MACROD2: variants seen among roughly 807,000 people sequenced by gnomAD.
The protein encoded by MACROD2 is mono-ADP ribosylhydrolase 2.
A neutral mutation model predicts 70.4 loss-of-function variants in MACROD2; 36 were observed. The ratio of observed to expected loss-of-function variants is 0.51; its 90% CI spans 0.39 to 0.68. MACROD2 has a LOEUF of 0.68. Among genes scored for constraint, MACROD2 ranks in the 30% least tolerant of loss-of-function variants. MACROD2 has a pLI of 0.00. For missense variants in MACROD2, 496 were observed against 538.4 expected (o/e 0.92, Z 0.78); for synonymous variants, 172 against 178.8 (o/e 0.96, Z 0.30).
At chr20:14,649,645 A>G (rs1201418525) in intron 4 of MACROD2, among the ~76,000 whole-genome samples, 1 of 152,162 alleles carries the variant, frequency 6.6e-6, no homozygotes, top group African/African-American at 2.4e-5. Context: ...GGGGCTGGCC[A>G]TACATGTTGG....
At chr20:14,214,287 C>T (rs1026268347) in intron 3 of MACROD2, among the ~76,000 whole-genome samples, 1 of 152,078 alleles carries the variant, frequency 6.6e-6, no homozygotes, top group African/African-American at 2.4e-5. Flanking sequence ...GGCTAAAAGG[C>T]ATTAAAAGAA....
chr20:15,348,545 A>C (rs1304127967), intron 6 of MACROD2, among the ~76,000 whole-genome samples: 1 of 152,206 alleles, frequency 6.6e-6, no homozygotes, highest in Admixed American at 6.5e-5. Flanking sequence ...GCTAATAAAG[A>C]CGTACTCAAA....
chr20:15,020,722 G>A (rs2075159654), intron 5 of MACROD2, among the ~76,000 whole-genome samples: 1 of 152,154 alleles, frequency 6.6e-6, no homozygotes, highest in South Asian at 2.1e-4. Context: ...GTACTGAGTA[G>A]TGTAGGCACA....
chr20:14,561,471 A>C (rs960398735), intron 4 of MACROD2, among the ~76,000 whole-genome samples: 20 of 152,016 alleles, frequency 1.3e-4, no homozygotes, highest in African/African-American at 4.6e-4. Flanking sequence ...AATGTTAACA[A>C]AATGATTTTC....
chr20:14,288,996 T>C (rs1440611373), intron 3 of MACROD2, among the ~76,000 whole-genome samples: 1 of 152,184 alleles, frequency 6.6e-6, no homozygotes, highest in Non-Finnish European at 1.5e-5. Context: ...ACCCAGCTAC[T>C]TCCTTATATT....
At chr20:15,075,506 A>C (rs1036767769) in intron 5 of MACROD2, among the ~76,000 whole-genome samples, 1 of 152,198 alleles carries the variant, frequency 6.6e-6, no homozygotes, top group African/African-American at 2.4e-5. Context: ...AGGGCTGTTT[A>C]AATCAGTTCC....
Position 14,783,225 on chromosome 20 carries a change from A to G in MACROD2, c.418+98266A>G, listed in dbSNP as rs1164455128. ...AATCCTAATGATGTGTATGAATACC[A>G]TAGAAGTAGCAATAGCTCACAAAGG... On this transcript the variant is annotated intron_variant, in intron 5 of 17. Transcript: ENST00000684519. 2.0e-5 allele frequency among the ~76,000 whole-genome samples: 3 copies of G among 152,160 alleles called. No individual in the cohort carries two copies. The South Asian group carries it at 6.2e-4, about 32-fold the overall frequency.
At chr20:14,389,290 C>T (rs2083501286) in intron 3 of MACROD2, among the ~76,000 whole-genome samples, 1 of 151,790 alleles carries the variant, frequency 6.6e-6, no homozygotes, top group Non-Finnish European at 1.5e-5. Context: ...GGCATGGTTG[C>T]CCTTGCCTGT....
chr20:14,404,660 A>G (rs2083674392), intron 3 of MACROD2, among the ~76,000 whole-genome samples: 1 of 152,140 alleles, frequency 6.6e-6, no homozygotes, highest in Non-Finnish European at 1.5e-5. Context: ...ACATCACCAA[A>G]GGCAGAGAAG....
chr20:15,155,023 G>A (rs1012622144), intron 5 of MACROD2, among the ~76,000 whole-genome samples: 3 of 151,958 alleles, frequency 2.0e-5, no homozygotes, highest in African/African-American at 7.3e-5. Context: ...TTATGTCCTT[G>A]TGTTTCTTCA....
At chr20:15,557,925 A>C (rs1348209657) in intron 8 of MACROD2, among the ~76,000 whole-genome samples, 3 of 152,176 alleles carry the variant, frequency 2.0e-5, no homozygotes, top group African/African-American at 2.4e-5. Flanking sequence ...AAAGACGACC[A>C]CTCAGAAAGC....
intron 3 of MACROD2, among the ~76,000 whole-genome samples, chr20:14,277,919 A>T (rs939825612): frequency 1.3e-5 from 2 of 152,220 alleles, no homozygotes; most frequent in African/African-American, 2.4e-5. Context: ...ACCATTCAGC[A>T]TTAGATTTAT....
intron 8 of MACROD2, among the ~76,000 whole-genome samples, chr20:15,809,181 T>C (rs532322270): frequency 2.6e-5 from 4 of 152,338 alleles, no homozygotes; most frequent in East Asian, 1.9e-4. Context: ...AGATTTTCAG[T>C]GCACTTATAA....
chr20:15,463,559 G>A (rs553302676), intron 7 of MACROD2, among the ~76,000 whole-genome samples: 2 of 152,248 alleles, frequency 1.3e-5, no homozygotes, highest in Admixed American at 1.3e-4. Flanking sequence ...AGACCAGCCT[G>A]GCCAACATGG....
intron 3 of MACROD2, among the ~76,000 whole-genome samples, chr20:14,297,190 C>G (rs1362870884): frequency 1.3e-5 from 2 of 151,830 alleles, no homozygotes; most frequent in African/African-American, 4.9e-5. Flanking sequence ...CCTCTGGCTT[C>G]CCTCTTCCCT....
chr20:14,052,045 G>C, intron 2 of MACROD2: 1 of 422,434 alleles, frequency 2.4e-6, no homozygotes, highest in Non-Finnish European at 4.7e-6. Flanking sequence ...TATTTTACTT[G>C]ATTGCTATGT....
At chr20:15,092,094 C>T (rs1446780206) in intron 5 of MACROD2, among the ~76,000 whole-genome samples, 1 of 152,060 alleles carries the variant, frequency 6.6e-6, no homozygotes, top group Non-Finnish European at 1.5e-5. Flanking sequence ...ATTATATTGC[C>T]GTTTCTTTTT....
chr20:14,907,618 A>C (rs1377769589), intron 5 of MACROD2, among the ~76,000 whole-genome samples: 1 of 152,188 alleles, frequency 6.6e-6, no homozygotes, highest in East Asian at 1.9e-4. Flanking sequence ...AAATGGAGAA[A>C]GTATGGCCCA....
chr20:14,422,827 T>C (rs2083890379), intron 3 of MACROD2, among the ~76,000 whole-genome samples: 2 of 152,250 alleles, frequency 1.3e-5, no homozygotes, highest in Admixed American at 6.5e-5. Context: ...ACCTGCTTTG[T>C]ATCTGCCTAT....
Sources: allele counts gnomAD v4.1 joint callset (sites outside exome capture counted in the v4.1 genomes callset), GRCh38; gene constraint gnomAD v4.1.1; transcripts MANE v1.5; gene names NCBI Gene and HGNC (gene_info 2026-07-23, HGNC 2026-07-21).